NPAS2: variants seen among roughly 807,000 people sequenced by gnomAD.
NPAS2 encodes neuronal PAS domain-containing protein 2.
A neutral mutation model predicts 107.5 loss-of-function variants in NPAS2; 23 were observed. That is an observed-to-expected ratio of 0.21 (90% CI 0.15 to 0.30). NPAS2 has a LOEUF of 0.30. Ranked by LOEUF, NPAS2 falls within the 10% of genes least tolerant of loss-of-function variation. The pLI is 1.00. For missense variants in NPAS2, 756 were observed against 1,043.3 expected (o/e 0.72, Z 3.79); for synonymous variants, 403 against 417.5 (o/e 0.97, Z 0.42).
chr2:100,905,267 T>G (rs1350255208), intron 2 of NPAS2, among the ~76,000 whole-genome samples: 2 of 152,066 alleles, frequency 1.3e-5, no homozygotes, highest in African/African-American at 2.4e-5. Flanking sequence ...ATACATAGAT[T>G]AGCTCAGTTT....
chr2:100,896,150 C>T (rs116503701), intron 1 of NPAS2, among the ~76,000 whole-genome samples: 77 of 152,290 alleles, frequency 5.1e-4, no homozygotes, highest in Non-Finnish European at 9.0e-4. Context: ...TACCTGTGAC[C>T]TGCTTCCTGT....
intron 1 of NPAS2, among the ~76,000 whole-genome samples, chr2:100,837,130 A>AT (rs1677119286): frequency 6.6e-6 from 1 of 151,936 alleles, no homozygotes; most frequent in Non-Finnish European, 1.5e-5. Context: ...TCCCAAGGAG[A>AT]TTTTCTTTCA....
chr2:100,843,700 A>G (rs1295014939), intron 1 of NPAS2, among the ~76,000 whole-genome samples: 1 of 152,214 alleles, frequency 6.6e-6, no homozygotes, highest in African/African-American at 2.4e-5. Context: ...TTCTTGATTA[A>G]GAAAAATTTC....
intron 1 of NPAS2, among the ~76,000 whole-genome samples, chr2:100,901,904 T>C (rs79030878): frequency 0.031 from 4,684 of 152,134 alleles, 239 homozygotes; most frequent in African/African-American, 0.11. Flanking sequence ...CGTGACTGTC[T>C]ACGCCACGTA....
intron 1 of NPAS2, among the ~76,000 whole-genome samples, chr2:100,866,873 C>G (rs1193356862): frequency 6.6e-6 from 1 of 152,182 alleles, no homozygotes; most frequent in African/African-American, 2.4e-5. Context: ...CTTCTATACT[C>G]TTTCTAATTT....
intron 12 of NPAS2, among the ~76,000 whole-genome samples, chr2:100,974,141 C>G (rs1295439486): frequency 6.6e-6 from 1 of 152,204 alleles, no homozygotes; most frequent in African/African-American, 2.4e-5. Context: ...CGCACCCAGC[C>G]CCAACCCAGC....
At chr2:100,849,809 C>T (rs1202478541) in intron 1 of NPAS2, among the ~76,000 whole-genome samples, 1 of 151,966 alleles carries the variant, frequency 6.6e-6, no homozygotes, top group Non-Finnish European at 1.5e-5. Context: ...TCTGGTCCCA[C>T]AGAGGTCCTA....
intron 1 of NPAS2, among the ~76,000 whole-genome samples, chr2:100,861,208 C>G (rs1270269300): frequency 1.3e-5 from 2 of 152,192 alleles, no homozygotes; most frequent in East Asian, 3.9e-4. Flanking sequence ...CTGAAGGGTT[C>G]CGAGCTGCTC....
At chr2:100,849,172 A>G (rs937255362) in intron 1 of NPAS2, among the ~76,000 whole-genome samples, 2 of 152,242 alleles carry the variant, frequency 1.3e-5, no homozygotes, top group African/African-American at 4.8e-5. Context: ...AGCATCTGTC[A>G]GACCAGAGTA....
intron 1 of NPAS2, among the ~76,000 whole-genome samples, chr2:100,828,072 C>CAGCAT (rs56788630): frequency 0.13 from 20,030 of 152,034 alleles, 1,366 homozygotes; most frequent in East Asian, 0.26. Context: ...ACAGTCTCTC[C>CAGCAT]AGCATGTGTT....
chr2:100,840,132 C>A (rs1012903873), intron 1 of NPAS2, among the ~76,000 whole-genome samples: 2 of 152,160 alleles, frequency 1.3e-5, no homozygotes, highest in Non-Finnish European at 1.5e-5. Flanking sequence ...TTCCTTCCGT[C>A]GTTGCTTGCC....
At chr2:100,952,151 C>CAAA (rs35401096) in intron 7 of NPAS2, among the ~76,000 whole-genome samples, 12 of 66,828 alleles carry the variant, frequency 1.8e-4, no homozygotes, top group African/African-American at 5.6e-4. Context: ...GACTCTGTCT[C>CAAA]AAAAAAAAAA....
At chr2:100,869,850 C>T (rs1558824053) in intron 1 of NPAS2, among the ~76,000 whole-genome samples, 1 of 151,710 alleles carries the variant, frequency 6.6e-6, no homozygotes, top group Non-Finnish European at 1.5e-5. Flanking sequence ...CCCTGTTACT[C>T]TCAGGACCCC....
intron 7 of NPAS2, among the ~76,000 whole-genome samples, chr2:100,952,652 A>G (rs1573705999): frequency 2.0e-5 from 3 of 152,198 alleles, no homozygotes; most frequent in South Asian, 2.1e-4. Context: ...TTACATTTCC[A>G]TGATCTCATT....
chr2:100,827,284 A>G (rs1039413565), intron 1 of NPAS2, among the ~76,000 whole-genome samples: 1 of 152,244 alleles, frequency 6.6e-6, no homozygotes, highest in South Asian at 2.1e-4. Flanking sequence ...ATTTACAGTC[A>G]GACAGGTTCT....
chr2:100,971,512 G>A (rs1056830441), intron 12 of NPAS2, among the ~76,000 whole-genome samples: 10 of 152,120 alleles, frequency 6.6e-5, no homozygotes, highest in African/African-American at 1.2e-4. Flanking sequence ...CTTGAGGGCC[G>A]TGGCACTGCC....
intron 1 of NPAS2, among the ~76,000 whole-genome samples, chr2:100,838,747 A>G (rs1677217191): frequency 6.6e-6 from 1 of 152,208 alleles, no homozygotes; most frequent in Non-Finnish European, 1.5e-5. Flanking sequence ...GGTGTTCATA[A>G]TAATCGGAGG....
chr2:100,950,217 G>A (rs1308829439), intron 7 of NPAS2, among the ~76,000 whole-genome samples: 1 of 152,100 alleles, frequency 6.6e-6, no homozygotes. Context: ...TGTTTTCTGG[G>A]CTCCTCCAAA....
Position 100,995,485 on chromosome 2 carries a change from A to AC in NPAS2, c.2383dup (p.Gln795ProfsTer21), listed in dbSNP as rs1157716728. The AC allele has an allele frequency of 6.2e-7, 1 of 1,613,590 alleles. No homozygotes were observed. The highest frequency in any genetic ancestry group is 8.5e-7 in the Non-Finnish European group (1 of 1,179,940). On this transcript the variant is annotated frameshift_variant, in exon 21 of 21. Coordinates refer to ENST00000335681, the MANE Select transcript of NPAS2 (RefSeq NM_002518.4). LOFTEE classifies it high-confidence loss of function. ...TCACAACAGCCAGGGACCCTGGGCTACCCCCAACCACCCCCAGCACAGCCC... is the reference window on the plus strand; with the variant it reads ...TCACAACAGCCAGGGACCCTGGGCTACCCCCCAACCACCCCCAGCACAGCCC...
Sources: gnomAD v4.1 joint callset for allele counts (sites outside exome capture counted in the v4.1 genomes callset) on GRCh38, gnomAD v4.1.1 for gene constraint, MANE v1.5 for transcripts, NCBI Gene and HGNC (gene_info 2026-07-23, HGNC 2026-07-21) for gene names.